The following DLG2 variants were observed in gnomAD, a reference collection of about 807,000 sequenced individuals.
DLG2 encodes the protein discs large MAGUK scaffold protein 2, also known as disks large homolog 2.
DLG2 carries 45 observed loss-of-function variants against 132.5 expected under a neutral mutation model. The ratio of observed to expected loss-of-function variants is 0.34; its 90% CI spans 0.27 to 0.44. The LOEUF is 0.44. Ranked by LOEUF, DLG2 falls within the 20% of genes least tolerant of loss-of-function variation. The pLI, the probability that DLG2 is intolerant of heterozygous loss-of-function variation, is 1.00. For missense variants in DLG2, 1,045 were observed against 1,196.9 expected (o/e 0.87, Z 1.87); for synonymous variants, 424 against 419.6 (o/e 1.01, Z -0.13).
At chr11:83,779,040 G>A (rs2094701285) in intron 18 of DLG2, among the ~76,000 whole-genome samples, 1 of 152,028 alleles carries the variant, frequency 6.6e-6, no homozygotes, top group Admixed American at 6.6e-5. Context: ...AAAATCTAGA[G>A]TCATGTAAAG....
intron 6 of DLG2, among the ~76,000 whole-genome samples, chr11:84,560,260 T>G (rs1453138461): frequency 6.6e-6 from 1 of 152,126 alleles, no homozygotes; most frequent in East Asian, 1.9e-4. Context: ...TAAAAATTGC[T>G]GTTGACTATT....
chr11:85,128,455 TCAGAAAGTAGAGATTTACTTTTCG>T (rs750600320), intron 5 of DLG2, among the ~76,000 whole-genome samples: 12 of 152,162 alleles, frequency 7.9e-5, no homozygotes, highest in Non-Finnish European at 1.3e-4. Flanking sequence ...GTGCCCATGG[TCAGAAAGTAGAGATTTACTTTTCG>T]CAGTTCCACA....
chr11:84,278,729 T>C (rs1443878412), intron 7 of DLG2, among the ~76,000 whole-genome samples: 1 of 152,144 alleles, frequency 6.6e-6, no homozygotes, highest in Non-Finnish European at 1.5e-5. Flanking sequence ...GAAAATTAAA[T>C]AATGAATTTA....
chr11:84,601,572 A>G (rs1236965108), intron 6 of DLG2, among the ~76,000 whole-genome samples: 1 of 152,086 alleles, frequency 6.6e-6, no homozygotes, highest in African/African-American at 2.4e-5. Context: ...CAACAATACA[A>G]AATGACAGGA....
chr11:85,552,928 C>CA (rs1165007649), intron 3 of DLG2, among the ~76,000 whole-genome samples: 2 of 151,234 alleles, frequency 1.3e-5, no homozygotes, highest in East Asian at 1.9e-4. Flanking sequence ...AAATCTCACG[C>CA]AAAAAATTAA....
intron 6 of DLG2, among the ~76,000 whole-genome samples, chr11:84,752,564 CTT>C (rs370347853): frequency 0.09 from 11,429 of 127,436 alleles, 578 homozygotes; most frequent in East Asian, 0.24. Flanking sequence ...TTTTCTTTTT[CTT>C]TTTTTTTTTT....
At chr11:83,940,921 T>C (rs1357308671) in intron 14 of DLG2, among the ~76,000 whole-genome samples, 3 of 152,226 alleles carry the variant, frequency 2.0e-5, no homozygotes, top group African/African-American at 7.2e-5. Flanking sequence ...TTTTGACTAC[T>C]ATAGATATTT....
intron 6 of DLG2, among the ~76,000 whole-genome samples, chr11:84,663,693 G>C (rs758038228): frequency 1.3e-5 from 2 of 152,070 alleles, no homozygotes; most frequent in African/African-American, 2.4e-5. Flanking sequence ...AAATGGGTTT[G>C]GATGACAAAT....
chr11:83,537,429 G>A (rs1232528796), intron 20 of DLG2, among the ~76,000 whole-genome samples: 2 of 152,130 alleles, frequency 1.3e-5, no homozygotes, highest in African/African-American at 2.4e-5. Flanking sequence ...AGCTAGGTGA[G>A]TAAACTCTTA....
intron 14 of DLG2, among the ~76,000 whole-genome samples, chr11:83,935,544 T>C (rs775257142): frequency 2.6e-4 from 40 of 152,150 alleles, no homozygotes; most frequent in Non-Finnish European, 4.9e-4. Flanking sequence ...AAGTATGATA[T>C]AGAGACATCT....
chr11:83,522,335 C>CG (rs1555154860), intron 21 of DLG2, among the ~76,000 whole-genome samples: 6 of 152,200 alleles, frequency 3.9e-5, no homozygotes, highest in African/African-American at 1.4e-4. Context: ...TGGTGTGTAC[C>CG]AAAAGAAAGT....
chr11:85,404,508 A>C (rs1289750014), intron 3 of DLG2, among the ~76,000 whole-genome samples: 7 of 151,950 alleles, frequency 4.6e-5, no homozygotes, highest in Admixed American at 4.6e-4. Context: ...TTTCTGGGCA[A>C]GGATTGGGCT....
intron 8 of DLG2, among the ~76,000 whole-genome samples, chr11:84,177,636 A>C (rs2096006778): frequency 1.3e-5 from 2 of 152,202 alleles, no homozygotes; most frequent in Non-Finnish European, 2.9e-5. Context: ...ACAGTTCTCA[A>C]CTGCTCATAA....
rs549921538 is a variant in DLG2 at position 84,179,096 on chromosome 11, C to T, written c.574-15585G>A. Among the ~76,000 whole-genome samples, 7 of 151,966 alleles carry T rather than the reference C, an allele frequency of 4.6e-5. No homozygotes were observed. In the East Asian group the frequency reaches 5.8e-4, roughly 13 times the overall value. ...AATATGTGCAAAGAACTAAAAGAGC[C>T]ATTTAAAAAAATTAAAGTATGACAA... On this transcript the variant is annotated intron_variant, in intron 8 of 27. Transcript: ENST00000376104.
At chr11:84,437,553 G>A (rs1309321284) in intron 7 of DLG2, 1 of 152,150 alleles carries the variant, frequency 6.6e-6, no homozygotes, top group Admixed American at 6.6e-5. Context: ...TCAGGCTGGA[G>A]CTGTCACTTG....
intron 19 of DLG2, among the ~76,000 whole-genome samples, chr11:83,617,130 T>G (rs1324012567): frequency 6.6e-6 from 1 of 152,200 alleles, no homozygotes; most frequent in Non-Finnish European, 1.5e-5. Flanking sequence ...CTTTTATATT[T>G]CCATATTAAT....
At chr11:84,861,707 A>G (rs139560767) in intron 6 of DLG2, among the ~76,000 whole-genome samples, 3,399 of 150,002 alleles carry the variant, frequency 0.023, 148 homozygotes, top group African/African-American at 0.08. Context: ...CAATCAATCC[A>G]TCTGACAAAG....
At chr11:83,962,799 T>A in intron 14 of DLG2, 86 bp downstream of exon 14, 1 of 1,528,662 alleles carries the variant, frequency 6.5e-7, no homozygotes, top group Non-Finnish European at 8.9e-7. Context: ...TTAGTTAGCA[T>A]CCAAAACAAC....
At chr11:85,237,448 T>C (rs1190357430) in intron 4 of DLG2, among the ~76,000 whole-genome samples, 1 of 152,066 alleles carries the variant, frequency 6.6e-6, no homozygotes, top group African/African-American at 2.4e-5. Context: ...TATACACAGT[T>C]GACCCTTAAA....
Sources: gnomAD v4.1 joint callset for allele counts (sites outside exome capture counted in the v4.1 genomes callset) on GRCh38, gnomAD v4.1.1 for gene constraint, MANE v1.5 for transcripts, NCBI Gene and HGNC (gene_info 2026-07-23, HGNC 2026-07-21) for gene names.